Variants in FSTL5 observed in about 807,000 individuals in gnomAD.
FSTL5 encodes the protein follistatin like 5.
FSTL5 carries 62 observed loss-of-function variants against 89.1 expected under a neutral mutation model. That is an observed-to-expected ratio of 0.70 (90% CI 0.57 to 0.86). The LOEUF (loss-of-function observed/expected upper bound fraction) is 0.86. Ranked by LOEUF, FSTL5 falls within the 40% of genes least tolerant of loss-of-function variation. The probability of loss-of-function intolerance (pLI) is 0.00; values close to 1 mark genes in which losing one functional copy is unlikely to be tolerated. For synonymous variants in FSTL5, 383 were observed against 346.2 expected (o/e 1.11, Z -1.18); for missense variants, 1,057 against 1,001.6 (o/e 1.06, Z -0.75).
intron 4 of FSTL5, among the ~76,000 whole-genome samples, chr4:161,863,059 A>C (rs79023422): frequency 6.6e-6 from 1 of 152,238 alleles, no homozygotes; most frequent in African/African-American, 2.4e-5. Flanking sequence ...ACTCATCAGT[A>C]ACAAAATAGT....
intron 4 of FSTL5, among the ~76,000 whole-genome samples, chr4:161,833,360 G>C (rs1184180141): frequency 2.6e-5 from 4 of 151,136 alleles, no homozygotes; most frequent in Non-Finnish European, 5.9e-5. Context: ...ATATTCTGTT[G>C]ATTTGGGGTG....
intron 2 of FSTL5, among the ~76,000 whole-genome samples, chr4:162,086,686 A>G (rs952883035): frequency 6.6e-6 from 1 of 151,922 alleles, no homozygotes; most frequent in Non-Finnish European, 1.5e-5. Context: ...TGTCTTTCAT[A>G]CTGTTTATTG....
chr4:161,870,073 G>A (rs1732213845), intron 4 of FSTL5, among the ~76,000 whole-genome samples: 1 of 152,154 alleles, frequency 6.6e-6, no homozygotes, highest in South Asian at 2.1e-4. Context: ...AGACAACAGA[G>A]AAAGTGATAG....
At chr4:161,981,523 T>C (rs1450393816) in intron 3 of FSTL5, among the ~76,000 whole-genome samples, 1 of 152,190 alleles carries the variant, frequency 6.6e-6, no homozygotes, top group African/African-American at 2.4e-5. Context: ...ACTTGTACTT[T>C]TGAAATTGAC....
At chr4:161,560,726 G>A (rs781448053) in intron 8 of FSTL5, among the ~76,000 whole-genome samples, 4 of 151,792 alleles carry the variant, frequency 2.6e-5, no homozygotes, top group Non-Finnish European at 5.9e-5. Context: ...CCGCCTCCAC[G>A]TCTTGTCTCA....
intron 2 of FSTL5, among the ~76,000 whole-genome samples, chr4:162,106,015 T>C (rs926219908): frequency 1.3e-5 from 2 of 152,156 alleles, no homozygotes; most frequent in Non-Finnish European, 2.9e-5. Flanking sequence ...CTACTGCCAC[T>C]CTTCACCAAT....
At chr4:161,643,979 A>T (rs1232480086) in intron 7 of FSTL5, among the ~76,000 whole-genome samples, 1 of 152,208 alleles carries the variant, frequency 6.6e-6, no homozygotes, top group East Asian at 1.9e-4. Flanking sequence ...CAGTGCAAAC[A>T]TCATAACACA....
intron 7 of FSTL5, among the ~76,000 whole-genome samples, chr4:161,652,094 T>C (rs1204275788): frequency 2.0e-5 from 3 of 152,138 alleles, no homozygotes; most frequent in African/African-American, 7.2e-5. Context: ...CAGCACTTGA[T>C]ACCACTTAGT....
At chr4:161,417,390 T>C (rs1223708057) in intron 15 of FSTL5, among the ~76,000 whole-genome samples, 1 of 152,254 alleles carries the variant, frequency 6.6e-6, no homozygotes, top group Admixed American at 6.5e-5. Context: ...ATGTATTATT[T>C]CATTCTAATT....
At chr4:162,094,718 G>T (rs1009290110) in intron 2 of FSTL5, among the ~76,000 whole-genome samples, 29 of 152,200 alleles carry the variant, frequency 1.9e-4, no homozygotes, top group Admixed American at 5.2e-4. Flanking sequence ...TCAGAAGATG[G>T]TATTTCAACA....
chr4:162,056,162 T>C (rs1738536168), intron 2 of FSTL5, among the ~76,000 whole-genome samples: 1 of 151,986 alleles, frequency 6.6e-6, no homozygotes, highest in African/African-American at 2.4e-5. Context: ...TTGCAATGAA[T>C]GTCACTATAA....
chr4:162,135,789 C>T (rs1050801715), intron 1 of FSTL5, among the ~76,000 whole-genome samples: 3 of 152,040 alleles, frequency 2.0e-5, no homozygotes, highest in East Asian at 3.9e-4. Flanking sequence ...AATAAATGAT[C>T]GAGTCTTTAA....
chr4:161,695,013 CT>C (rs1560794278), intron 6 of FSTL5, among the ~76,000 whole-genome samples: 5 of 151,730 alleles, frequency 3.3e-5, no homozygotes, highest in Admixed American at 1.3e-4. Flanking sequence ...CCTTTAAATT[CT>C]TTTTTTAAAT....
chr4:161,874,325 T>C (rs185941423), intron 4 of FSTL5, among the ~76,000 whole-genome samples: 217 of 152,164 alleles, frequency 1.4e-3, no homozygotes, highest in African/African-American at 4.9e-3. Context: ...TAATTGCTGT[T>C]CTGTTTCAGT....
chr4:162,010,797 T>G (rs1736743874), intron 3 of FSTL5, among the ~76,000 whole-genome samples: 1 of 152,254 alleles, frequency 6.6e-6, no homozygotes, highest in African/African-American at 2.4e-5. Flanking sequence ...TACTGAATAT[T>G]ATACCATTGA....
chr4:161,650,161 G>C (rs569482920), intron 7 of FSTL5, among the ~76,000 whole-genome samples: 21 of 152,282 alleles, frequency 1.4e-4, no homozygotes, highest in Non-Finnish European at 2.4e-4. Flanking sequence ...AAAATACTAA[G>C]AGGAACAATG....
intron 4 of FSTL5, among the ~76,000 whole-genome samples, chr4:161,891,737 A>G (rs1346142363): frequency 2.0e-5 from 3 of 152,086 alleles, no homozygotes; most frequent in Non-Finnish European, 2.9e-5. Flanking sequence ...CACATAATTT[A>G]TCCAGCTTGG....
At chr4:161,795,854 AT>A (rs1469936933) in intron 4 of FSTL5, among the ~76,000 whole-genome samples, 1 of 151,940 alleles carries the variant, frequency 6.6e-6, no homozygotes, top group African/African-American at 2.4e-5. Flanking sequence ...GCTTTATACT[AT>A]AGTTTGAAAT....
chr4:161,799,139 G>T (rs1280364466), intron 4 of FSTL5, among the ~76,000 whole-genome samples: 1 of 151,686 alleles, frequency 6.6e-6, no homozygotes, highest in Non-Finnish European at 1.5e-5. Flanking sequence ...ATCTTTCCAT[G>T]ACTTGGTGTT....
Sources: allele counts gnomAD v4.1 joint callset (sites outside exome capture counted in the v4.1 genomes callset), GRCh38; gene constraint gnomAD v4.1.1; transcripts MANE v1.5; gene names NCBI Gene and HGNC (gene_info 2026-07-23, HGNC 2026-07-21).